Variants in OASL observed in about 807,000 individuals in gnomAD.
OASL encodes the protein 2'-5'-oligoadenylate synthetase like.
Under a neutral mutation model 35.3 loss-of-function variants are expected in OASL, and 28 were observed. The observed-to-expected ratio is 0.79, with a 90% CI of 0.59 to 1.09. The LOEUF is 1.09. Ranked by LOEUF, OASL falls within the 50% of genes least tolerant of loss-of-function variation. The pLI is 0.00. For missense variants in OASL, 620 were observed against 635.2 expected (o/e 0.98, Z 0.26); for synonymous variants, 252 against 254.6 (o/e 0.99, Z 0.10).
intron 5 of OASL, chr12:121,023,738 G>T: frequency 2.4e-6 from 1 of 418,916 alleles, no homozygotes; most frequent in Non-Finnish European, 4.4e-6. Flanking sequence ...CAGGAACACA[G>T]AACTGATTCT....
At chr12:121,021,079 G>T in intron 5 of OASL, 21 bp from the exon 6 acceptor site, 1 of 1,539,514 alleles carries the variant, frequency 6.5e-7, no homozygotes, top group South Asian at 1.2e-5. Flanking sequence ...GAGGGAGAAG[G>T]AGAGGTGTTA....
At chr12:121,024,271 G>T in intron 4 of OASL, 134 bp from the exon 5 acceptor site, 1 of 892,332 alleles carries the variant, frequency 1.1e-6, no homozygotes, top group Non-Finnish European at 1.7e-6. Context: ...GTTCAAGAGG[G>T]CCCCAAAACA....
intron 4 of OASL, among the ~76,000 whole-genome samples, chr12:121,024,746 C>A (rs1280402780): frequency 2.0e-5 from 3 of 152,060 alleles, no homozygotes; most frequent in Non-Finnish European, 4.4e-5. Context: ...GGGCCCTGTA[C>A]CTTCGGAGCA....
intron 3 of OASL, among the ~76,000 whole-genome samples, chr12:121,028,757 A>T (rs1260699462): frequency 6.6e-6 from 1 of 152,068 alleles, no homozygotes; most frequent in Non-Finnish European, 1.5e-5. Flanking sequence ...GACAGTGGTC[A>T]CTTCCTGTGT....
chr12:121,031,565 G>C (rs1565906362), exon 3 of OASL: 1 of 1,614,108 alleles, frequency 6.2e-7, no homozygotes, highest in Non-Finnish European at 8.5e-7. Flanking sequence ...CGCAGGCCTT[G>C]ATCAGGCTCA....
At chr12:121,023,391 C>T (rs924509512) in intron 5 of OASL, among the ~76,000 whole-genome samples, 3 of 150,046 alleles carry the variant, frequency 2.0e-5, no homozygotes, top group South Asian at 2.1e-4. Flanking sequence ...CGGGTTCAAG[C>T]GATTCACCTG....
At chr12:121,029,781 T>G (rs1869653187) in intron 3 of OASL, among the ~76,000 whole-genome samples, 1 of 152,208 alleles carries the variant, frequency 6.6e-6, no homozygotes, top group African/African-American at 2.4e-5. Context: ...ACTAATAACA[T>G]TATAATTTTG....
At chr12:121,023,907 A>G in intron 5 of OASL, 83 bp downstream of exon 5, 2 of 1,529,142 alleles carry the variant, frequency 1.3e-6, no homozygotes, top group Non-Finnish European at 8.9e-7. Context: ...CTCCATCAAC[A>G]CAGAACTGAA....
At chr12:121,032,395 GCAGCATGTAGGTTTTACTTC>G (rs1232269216) in intron 2 of OASL, among the ~76,000 whole-genome samples, 1 of 152,114 alleles carries the variant, frequency 6.6e-6, no homozygotes, top group African/African-American at 2.4e-5. Context: ...ATCTGGGCTT[GCAGCATGTAGGTTTTACTTC>G]AAACACCTAG....
chr12:121,038,873 C>T, exon 1 of OASL: 1 of 1,614,154 alleles, frequency 6.2e-7, no homozygotes, highest in South Asian at 1.1e-5. Context: ...CAGCGTCTAG[C>T]ACCTCTTCCT....
chr12:121,037,901 G>T (rs936981641), intron 1 of OASL, among the ~76,000 whole-genome samples: 1 of 152,048 alleles, frequency 6.6e-6, no homozygotes. Context: ...GACCAGCATG[G>T]GCAACATTGG....
intron 4 of OASL, among the ~76,000 whole-genome samples, chr12:121,024,535 T>G (rs1236815020): frequency 6.6e-6 from 1 of 152,074 alleles, no homozygotes; most frequent in Non-Finnish European, 1.5e-5. Flanking sequence ...GGAGCATTGC[T>G]TGAACCCAGG....
chr12:121,036,932 T>C (rs571603661), intron 1 of OASL, among the ~76,000 whole-genome samples: 7 of 152,274 alleles, frequency 4.6e-5, no homozygotes, highest in African/African-American at 1.7e-4. Flanking sequence ...ATGAAAAGAA[T>C]GTGGGTTTGA....
At chr12:121,034,331 T>C (rs1219562835) in intron 1 of OASL, among the ~76,000 whole-genome samples, 1 of 152,068 alleles carries the variant, frequency 6.6e-6, no homozygotes, top group African/African-American at 2.4e-5. Flanking sequence ...CATGCCTGGC[T>C]AATTTTTGTA....
exon 5 of OASL, chr12:121,024,032 G>A (rs750537940): frequency 4.3e-6 from 7 of 1,614,144 alleles, no homozygotes; most frequent in Middle Eastern, 3.3e-4. Context: ...TGTTGTCATA[G>A]CAACAGTCCT....
rs376089337 is a variant in OASL at position 121,024,163 on chromosome 12, G to C, written c.900-26C>G. ...CTGTAACACAGGAAAAGGGTGCCCAGGCTCATAATGGTTTGAAGGCCTTCA... is the reference window on the plus strand; with the variant it reads ...CTGTAACACAGGAAAAGGGTGCCCACGCTCATAATGGTTTGAAGGCCTTCA... On this transcript the variant is annotated intron_variant, in intron 4 of 5. Coordinates refer to ENST00000257570, the Ensembl canonical transcript of OASL. 6 of 1,607,890 alleles carry C rather than the reference G, an allele frequency of 3.7e-6. No homozygotes were observed. The African/African-American group carries it at 8.0e-5, about 22-fold the overall frequency.
At chr12:121,020,644 C>G in exon 6 of OASL, 1 of 1,614,162 alleles carries the variant, frequency 6.2e-7, no homozygotes, top group East Asian at 2.2e-5. Context: ...ATCCCCAGAC[C>G]CAACCAGTCC....
exon 1 of OASL, chr12:121,038,918 G>A (rs934147632): frequency 2.0e-5 from 32 of 1,614,058 alleles, no homozygotes; most frequent in African/African-American, 4.0e-5. Context: ...ACTGAGCCAC[G>A]AAGGAGTCCA....
At chr12:121,038,429 T>C (rs73214168) in intron 1 of OASL, among the ~76,000 whole-genome samples, 30,130 of 152,216 alleles carry the variant, frequency 0.2, 3,185 homozygotes, top group Non-Finnish European at 0.24. Flanking sequence ...TCATTCACAC[T>C]AGGATCCAAC....
Sources: gnomAD v4.1 joint callset for allele counts (sites outside exome capture counted in the v4.1 genomes callset) on GRCh38, gnomAD v4.1.1 for gene constraint, MANE v1.5 for transcripts, NCBI Gene and HGNC (gene_info 2026-07-23, HGNC 2026-07-21) for gene names.